The following DPYD variants were observed in gnomAD, a reference collection of about 807,000 sequenced individuals.
DPYD encodes the protein dihydropyrimidine dehydrogenase [NADP(+)].
Under a neutral mutation model 116.2 loss-of-function variants are expected in DPYD, and 109 were observed. The ratio of observed to expected loss-of-function variants is 0.94; its 90% CI spans 0.80 to 1.10. DPYD has a LOEUF of 1.10. Ranked by LOEUF, DPYD falls within the 50% of genes least tolerant of loss-of-function variation. DPYD has a pLI of 0.00. For synonymous variants in DPYD, 440 were observed against 432.0 expected, an observed-to-expected ratio of 1.02 and a Z score of -0.23; for missense variants, 1,302 against 1,254.5, an observed-to-expected ratio of 1.04 and a Z score of -0.57.
At chr1:97,443,024 G>A (rs936563428) in intron 14 of DPYD, among the ~76,000 whole-genome samples, 1 of 152,080 alleles carries the variant, frequency 6.6e-6, no homozygotes, top group Non-Finnish European at 1.5e-5. Context: ...TATCTCTGAG[G>A]GTCACACAGA....
chr1:97,238,070 T>TA (rs1287763359), intron 18 of DPYD, among the ~76,000 whole-genome samples: 3 of 152,092 alleles, frequency 2.0e-5, no homozygotes, highest in South Asian at 2.1e-4. Flanking sequence ...ACACAGGTGT[T>TA]AAAAAAATCA....
chr1:97,826,767 A>T (rs1374297304), intron 3 of DPYD, among the ~76,000 whole-genome samples: 2 of 152,052 alleles, frequency 1.3e-5, no homozygotes, highest in African/African-American at 4.8e-5. Context: ...AAACTTTCTG[A>T]GAATATCTGA....
Position 97,450,186 on chromosome 1 carries a change from C to T in DPYD, c.1778G>A (p.Gly593Glu), listed in dbSNP as rs758489611. Residue 593 changes from glycine (G) to glutamate (E), a missense_variant, in exon 14 of 23, where the codon GGA becomes GAA. Physicochemically the swap from Gly to Glu is moderately conservative, Grantham distance 98. Coordinates refer to ENST00000370192, the MANE Select transcript of DPYD (RefSeq NM_000110.4). ...GCCATACATGGGGCCAGAGGTGGTT[C>T]CCCGGATGATTCTGGGGGAAACATT... is the stretch of plus-strand genomic sequence containing the variant. ...VTNVSPRIIR[G>E]TTSGPMYGPG... 8 of 1,613,728 alleles carry T rather than the reference C, an allele frequency of 5.0e-6. No homozygotes were observed. Among genetic ancestry groups the T allele is most frequent in the East Asian group, 4.5e-5 (2 of 44,854 alleles).
chr1:97,139,400 T>C (rs974112813), intron 20 of DPYD, among the ~76,000 whole-genome samples: 2 of 152,156 alleles, frequency 1.3e-5, no homozygotes, highest in Non-Finnish European at 2.9e-5. Context: ...CTTCACAAGA[T>C]GAATCTTTTA....
At chr1:97,873,126 T>A (rs926595910) in intron 2 of DPYD, among the ~76,000 whole-genome samples, 3 of 151,926 alleles carry the variant, frequency 2.0e-5, no homozygotes, top group Non-Finnish European at 4.4e-5. Flanking sequence ...GGTTAACACC[T>A]GTGCAAATGC....
intron 19 of DPYD, among the ~76,000 whole-genome samples, chr1:97,233,139 G>A (rs1222817584): frequency 6.6e-6 from 1 of 152,118 alleles, no homozygotes; most frequent in Non-Finnish European, 1.5e-5. Flanking sequence ...GACACCCGAG[G>A]GGCATGGCTC....
intron 8 of DPYD, among the ~76,000 whole-genome samples, chr1:97,596,178 T>C (rs1483714265): frequency 2.0e-5 from 3 of 152,018 alleles, no homozygotes; most frequent in East Asian, 3.9e-4. Context: ...ATTTGAGAAA[T>C]ATGGTATAAG....
At chr1:97,589,699 C>T (rs998130884) in intron 10 of DPYD, among the ~76,000 whole-genome samples, 6 of 152,062 alleles carry the variant, frequency 3.9e-5, no homozygotes, top group African/African-American at 1.4e-4. Flanking sequence ...TCTGTATTTC[C>T]CTCACTCAGA....
intron 1 of DPYD, among the ~76,000 whole-genome samples, chr1:97,911,181 T>C (rs1218364019): frequency 6.6e-6 from 1 of 152,008 alleles, no homozygotes; most frequent in Non-Finnish European, 1.5e-5. Context: ...AACTTGAAAA[T>C]ATTTCAAATC....
chr1:97,484,569 T>C (rs1172239689), intron 13 of DPYD, among the ~76,000 whole-genome samples: 1 of 152,214 alleles, frequency 6.6e-6, no homozygotes, highest in Non-Finnish European at 1.5e-5. Context: ...TTTATATTGT[T>C]GGAAATTCCC....
intron 3 of DPYD, among the ~76,000 whole-genome samples, chr1:97,762,875 T>G (rs984717058): frequency 2.0e-5 from 3 of 152,092 alleles, no homozygotes; most frequent in African/African-American, 7.2e-5. Context: ...AAATCCTGAT[T>G]ATTCTACATA....
intron 12 of DPYD, among the ~76,000 whole-genome samples, chr1:97,520,956 A>G (rs181375820): frequency 6.6e-6 from 1 of 152,264 alleles, no homozygotes; most frequent in Admixed American, 6.5e-5. Flanking sequence ...ATCTCTTTAT[A>G]GTAGAATGAT....
intron 21 of DPYD, among the ~76,000 whole-genome samples, chr1:97,088,181 C>T (rs774224986): frequency 6.6e-6 from 1 of 152,164 alleles, no homozygotes; most frequent in Non-Finnish European, 1.5e-5. Flanking sequence ...GTTAGAGTTG[C>T]TGACTATAAG....
intron 4 of DPYD, among the ~76,000 whole-genome samples, chr1:97,734,769 C>T (rs1225524823): frequency 6.6e-6 from 1 of 152,106 alleles, no homozygotes; most frequent in Non-Finnish European, 1.5e-5. Context: ...TTTGCCAAAC[C>T]ATGTAAACAA....
At chr1:97,751,458 GTGTATATATATATATA>G (rs1477005559) in intron 3 of DPYD, among the ~76,000 whole-genome samples, 3 of 22,048 alleles carry the variant, frequency 1.4e-4, no homozygotes, top group Non-Finnish European at 2.6e-4. Context: ...GTGTGTGTGT[GTGTATATATATATATA>G]TATATATATA....
intron 14 of DPYD, among the ~76,000 whole-genome samples, chr1:97,447,026 G>A (rs1041560470): frequency 1.3e-5 from 2 of 152,070 alleles, no homozygotes; most frequent in African/African-American, 4.8e-5. Flanking sequence ...ATTCAGAGAT[G>A]AGCCCTCACA....
chr1:97,496,894 T>C (rs1434156188), intron 13 of DPYD, among the ~76,000 whole-genome samples: 1 of 151,800 alleles, frequency 6.6e-6, no homozygotes, highest in Non-Finnish European at 1.5e-5. Context: ...TTACACAGAG[T>C]ATAAAATACT....
rs913834317 is a variant in DPYD at position 97,691,785 on chromosome 1, G to T, written c.694C>A (p.Pro232Thr). The T allele has an allele frequency of 4.3e-6, 7 of 1,613,364 alleles. No individual in the cohort carries two copies. The highest frequency in any genetic ancestry group is 5.9e-6 in the Non-Finnish European group (7 of 1,179,672). ...YVGGLSTSEI[P>T]QFRLPYDVVN... Reference sequence around the variant, plus strand: ...ACATCATACGGCAGCCGGAACTGAGGAATTTCAGAAGTACTGAAAAGAAAG... The same window carrying T: ...ACATCATACGGCAGCCGGAACTGAGTAATTTCAGAAGTACTGAAAAGAAAG... The change falls in exon 7 of 23, where the codon CCT becomes ACT. Residue 232 changes from proline to threonine, a missense_variant. Physicochemically the swap from Pro to Thr is conservative, Grantham distance 38 (BLOSUM62 -1). Coordinates refer to ENST00000370192, the MANE Select transcript of DPYD (RefSeq NM_000110.4).
At chr1:97,325,068 T>C (rs2101133099) in intron 16 of DPYD, among the ~76,000 whole-genome samples, 1 of 152,178 alleles carries the variant, frequency 6.6e-6, no homozygotes, top group East Asian at 1.9e-4. Context: ...AAAAAAATCT[T>C]TAAAGTGCTT....
Sources: gnomAD v4.1 joint callset for allele counts (sites outside exome capture counted in the v4.1 genomes callset) on GRCh38, gnomAD v4.1.1 for gene constraint, MANE v1.5 for transcripts, NCBI Gene and HGNC (gene_info 2026-07-23, HGNC 2026-07-21) for gene names.